The following CORIN variants were observed in gnomAD, a reference collection of about 807,000 sequenced individuals.
CORIN encodes the protein corin, serine peptidase.
Under a neutral mutation model 125.3 loss-of-function variants are expected in CORIN, and 117 were observed. That is an observed-to-expected ratio of 0.93 (90% CI 0.80 to 1.09). The LOEUF is 1.09. Ranked by LOEUF, CORIN falls within the 50% of genes least tolerant of loss-of-function variation. The pLI is 0.00. For synonymous variants in CORIN, 450 were observed against 466.4 expected, an observed-to-expected ratio of 0.96 and a Z score of 0.45; for missense variants, 1,253 against 1,306.7, an observed-to-expected ratio of 0.96 and a Z score of 0.63.
chr4:47,785,640 G>A (rs1225071338), intron 3 of CORIN, among the ~76,000 whole-genome samples: 2 of 152,180 alleles, frequency 1.3e-5, no homozygotes, highest in East Asian at 1.9e-4. Context: ...GGGGCTGGGT[G>A]CAGTGGCTCA....
At chr4:47,805,190 T>TA (rs201041062) in intron 2 of CORIN, among the ~76,000 whole-genome samples, 36 of 149,986 alleles carry the variant, frequency 2.4e-4, no homozygotes, top group African/African-American at 6.9e-4. Context: ...AATTGGATTA[T>TA]AAAAAAAATA....
chr4:47,679,927 G>A (rs919815749), intron 8 of CORIN: 6 of 405,310 alleles, frequency 1.5e-5, no homozygotes, highest in African/African-American at 1.2e-4. Flanking sequence ...GAAGCTTGGA[G>A]TTTTGCAGGG....
intron 12 of CORIN, among the ~76,000 whole-genome samples, chr4:47,657,491 C>T (rs953222429): frequency 2.0e-5 from 3 of 147,848 alleles, no homozygotes; most frequent in Non-Finnish European, 3.0e-5. Flanking sequence ...GCGGAGATCA[C>T]GCCACTGCAC....
At chr4:47,811,847 G>A (rs574664534) in intron 1 of CORIN, among the ~76,000 whole-genome samples, 10 of 152,270 alleles carry the variant, frequency 6.6e-5, no homozygotes, top group African/African-American at 2.2e-4. Context: ...CTGCTCTGCT[G>A]CTACTACAAC....
At chr4:47,667,312 A>G (rs770806447) in intron 10 of CORIN, among the ~76,000 whole-genome samples, 10 of 152,150 alleles carry the variant, frequency 6.6e-5, no homozygotes, top group Non-Finnish European at 8.8e-5. Flanking sequence ...AAAACAGACT[A>G]ACACTCCTTC....
At chr4:47,603,341 C>CCACT in intron 20 of CORIN, 56 bp downstream of exon 20, 1 of 1,540,192 alleles carries the variant, frequency 6.5e-7, no homozygotes, top group Non-Finnish European at 8.8e-7. Context: ...TATAAATTAC[C>CCACT]CACTCTCAGG....
rs1162734093 is a variant in CORIN at position 47,686,518 on chromosome 4, A to G, written c.914-2680T>C. 1.3e-5 allele frequency among the ~76,000 whole-genome samples: 2 copies of G among 152,186 alleles called. 1 individual carries two copies. The highest frequency in any genetic ancestry group is 4.8e-5 in the African/African-American group (2 of 41,460). ...CACCCCCACTGCTGAATGAGGCTAC[A>G]ACACATGTGACAGCTGAGTGGAAAG... is the stretch of plus-strand genomic sequence containing the variant. On this transcript the variant is annotated intron_variant, in intron 6 of 21. Transcript: ENST00000273857.
At chr4:47,756,165 G>A (rs556328348) in intron 4 of CORIN, among the ~76,000 whole-genome samples, 5 of 152,282 alleles carry the variant, frequency 3.3e-5, no homozygotes, top group African/African-American at 1.2e-4. Context: ...CTGAGAAGAG[G>A]GCTTAGTGTG....
intron 5 of CORIN, among the ~76,000 whole-genome samples, chr4:47,727,515 T>C (rs867468901): frequency 2.0e-5 from 3 of 152,002 alleles, no homozygotes; most frequent in Non-Finnish European, 4.4e-5. Flanking sequence ...GTTGACAGAG[T>C]CTTATGACTG....
intron 16 of CORIN, among the ~76,000 whole-genome samples, chr4:47,627,162 T>C (rs1722611534): frequency 6.6e-6 from 1 of 152,108 alleles, no homozygotes; most frequent in South Asian, 2.1e-4. Context: ...TTTATATTTT[T>C]AGTAGAGATG....
chr4:47,698,754 C>A (rs148885693), intron 5 of CORIN, among the ~76,000 whole-genome samples: 2 of 152,210 alleles, frequency 1.3e-5, no homozygotes, highest in East Asian at 3.9e-4. Context: ...ATGTACAAGC[C>A]ATGTACCACG....
chr4:47,744,530 T>A lies in CORIN; in HGVS notation c.671A>T (p.Glu224Val). ...GTAATTCACCATCCCCAGGACTGAT[T>A]CACAGCCTTCTTTTGCAGCCTCACA... Reference protein sequence around the residue: ...SFCEAAKEGCESVLGMVNYSW... With the variant: ...SFCEAAKEGCVSVLGMVNYSW... The change falls in exon 5 of 22, where the codon GAA (glutamate) becomes GTA (valine). Residue 224 changes from glutamate (E) to valine (V), a missense_variant. Transcript: ENST00000273857. 1 of 1,613,498 alleles carries A rather than the reference T, an allele frequency of 6.2e-7. No homozygotes were observed. Among genetic ancestry groups the A allele is most frequent in the Non-Finnish European group, 8.5e-7 (1 of 1,179,802 alleles).
chr4:47,610,235 TC>T (rs1339429501), intron 19 of CORIN, among the ~76,000 whole-genome samples: 1 of 152,218 alleles, frequency 6.6e-6, no homozygotes, highest in African/African-American at 2.4e-5. Context: ...TGTAAAAGCA[TC>T]CCTTTTTCTT....
intron 19 of CORIN, among the ~76,000 whole-genome samples, chr4:47,621,383 G>A (rs1429057106): frequency 1.3e-5 from 2 of 152,072 alleles, no homozygotes; most frequent in African/African-American, 4.8e-5. Flanking sequence ...GACTTCAGAT[G>A]GTGCCAGCCT....
intron 10 of CORIN, among the ~76,000 whole-genome samples, chr4:47,673,354 T>G (rs541622568): frequency 6.7e-6 from 1 of 149,818 alleles, no homozygotes; most frequent in East Asian, 2.0e-4. Flanking sequence ...CCAGCCTGGG[T>G]GACAGAGCCA....
At position 47,765,167 on chromosome 4, in the gene CORIN, C is replaced by CGGGCGTGGTGGCGGGCGTTGTGGG. The variant is rs1729658572; in HGVS notation, c.410-1605_410-1582dup. The stretch of plus-strand genomic sequence containing the variant: ...TCTACTAAAAATACAAAAAATTAGC[C>CGGGCGTGGTGGCGGGCGTTGTGGG]GGGCGTGGTGGCGGGCGTTGTGGGG... On this transcript the variant is annotated intron_variant, in intron 3 of 21. Transcript: ENST00000273857. Among the ~76,000 whole-genome samples the CGGGCGTGGTGGCGGGCGTTGTGGG allele has an allele frequency of 2.6e-5, 4 of 151,764 alleles. 1 individual carries two copies. Among genetic ancestry groups the CGGGCGTGGTGGCGGGCGTTGTGGG allele is most frequent in the South Asian group, 4.2e-4 (2 of 4,794 alleles).
intron 19 of CORIN, among the ~76,000 whole-genome samples, chr4:47,618,996 G>C (rs1457937107): frequency 6.6e-6 from 1 of 152,090 alleles, no homozygotes; most frequent in East Asian, 1.9e-4. Context: ...ATAGTGGGAG[G>C]ACAGTTTTTC....
At chr4:47,616,903 T>C (rs34088862) in intron 19 of CORIN, among the ~76,000 whole-genome samples, 40,920 of 152,006 alleles carry the variant, frequency 0.27, 5,647 homozygotes, top group Admixed American at 0.35. Context: ...AAAATAAAAA[T>C]GATAACTTTA....
intron 16 of CORIN, among the ~76,000 whole-genome samples, chr4:47,635,176 A>C (rs1225040588): frequency 6.6e-6 from 1 of 152,230 alleles, no homozygotes; most frequent in Non-Finnish European, 1.5e-5. Flanking sequence ...ACAGAGCCAG[A>C]TAGACAAGGG....
Sources: gnomAD v4.1 joint callset for allele counts (sites outside exome capture counted in the v4.1 genomes callset) on GRCh38, gnomAD v4.1.1 for gene constraint, MANE v1.5 for transcripts, NCBI Gene and HGNC (gene_info 2026-07-23, HGNC 2026-07-21) for gene names.